The following AGAP1 variants were observed in gnomAD, a reference collection of about 807,000 sequenced individuals.
AGAP1 encodes ArfGAP with GTPase domain, ankyrin repeat and PH domain 1.
AGAP1 carries 29 observed loss-of-function variants against 105.3 expected under a neutral mutation model. The ratio of observed to expected loss-of-function variants is 0.28; its 90% confidence interval spans 0.21 to 0.38. The LOEUF is 0.38. Ranked by LOEUF, AGAP1 falls within the 10% of genes least tolerant of loss-of-function variation. AGAP1 has a pLI of 1.00. For synonymous variants in AGAP1, 509 were observed against 485.9 expected, an observed-to-expected ratio of 1.05 and a Z score of -0.63; for missense variants, 998 against 1,165.1, an observed-to-expected ratio of 0.86 and a Z score of 2.09.
rs115526918 is a variant in AGAP1, at chr2:235,907,048, C to T, written c.1156-1690C>T. ...CAAAACAAAACAAAAAGGTAGACAG[C>T]CCGTTTCCTGGAAGCCACTGGGATC... On this transcript the variant is annotated intron_variant, in intron 10 of 17. Coordinates refer to ENST00000304032, the MANE Select transcript of AGAP1 (RefSeq NM_001037131.3). Among the ~76,000 whole-genome samples the T allele has an allele frequency of 7.7e-3, 1,167 of 152,122 alleles. 13 individuals carry two copies. The highest frequency in any genetic ancestry group is 0.027 in the African/African-American group (1,110 of 41,514).
Position 235,614,660 on chromosome 2 carries a change from G to T in AGAP1, c.164-94519G>T, listed in dbSNP as rs1156677147. On this transcript the variant is annotated intron_variant, in intron 1 of 17. Transcript: ENST00000304032. This position sits in a 1 kb window ranked among gnomAD's most constrained non-coding sequence, Gnocchi z 4.7. ...TACCCCCGTTGCAGATTGGCTTGTG[G>T]TTTGGGGTGTGCCAGGCTCAGGGGC... Among the ~76,000 whole-genome samples, 1 of 152,212 alleles carries T rather than the reference G, an allele frequency of 6.6e-6. No individual in the cohort carries two copies. Among genetic ancestry groups the T allele is most frequent in the Non-Finnish European group, 1.5e-5 (1 of 68,042 alleles).
At chr2:235,940,851 G>A (rs1253792404) in intron 12 of AGAP1, among the ~76,000 whole-genome samples, 4 of 152,106 alleles carry the variant, frequency 2.6e-5, no homozygotes, top group Non-Finnish European at 4.4e-5. Context: ...ACTACCTGGA[G>A]CTGTGTCCAT....
chr2:235,513,183 CA>C, intron 1 of AGAP1, among the ~76,000 whole-genome samples: 1 of 152,234 alleles, frequency 6.6e-6, no homozygotes, highest in Admixed American at 6.5e-5. Flanking sequence ...TAGCCTGCGT[CA>C]GGATCACCTC....
At position 235,744,665 on chromosome 2, in the gene AGAP1, G is replaced by T. The variant is rs1952792885; in HGVS notation, c.397-33G>T. The stretch of plus-strand genomic sequence containing the variant: ...GTTCTTAATCAAGCCTGCTCACTCA[G>T]CTCCTGCTCTCCTCCCCTTCTTCTC... On this transcript the variant is annotated intron_variant, in intron 4 of 17. Coordinates refer to ENST00000304032, the MANE Select transcript of AGAP1 (RefSeq NM_001037131.3). This position sits in a 1 kb window ranked among gnomAD's most constrained non-coding sequence, Gnocchi z 5.2. 3.7e-6 allele frequency: 6 copies of T among 1,613,496 alleles called. No individual in the cohort carries two copies. Among genetic ancestry groups the T allele is most frequent in the Non-Finnish European group, 5.1e-6 (6 of 1,179,666 alleles).
At position 236,082,700 on chromosome 2, in the gene AGAP1, C is replaced by G. The variant is rs1404248555; in HGVS notation, c.2114+33419C>G. Among the ~76,000 whole-genome samples the G allele has an allele frequency of 6.6e-6, 1 of 152,114 alleles. No homozygotes were observed. The highest frequency in any genetic ancestry group is 1.5e-5 in the Non-Finnish European group (1 of 68,028). On this transcript the variant is annotated intron_variant, in intron 16 of 17. Transcript: ENST00000304032. This position sits in a 1 kb window ranked among gnomAD's most constrained non-coding sequence, Gnocchi z 4.2. The stretch of plus-strand genomic sequence containing the variant: ...ACCAGCCTGGCCAACATGGCGAAAC[C>G]CTGTCTCTACTAAAAATACAAAAAT...
intron 13 of AGAP1, among the ~76,000 whole-genome samples, chr2:235,980,895 G>T (rs565711409): frequency 6.6e-6 from 1 of 152,278 alleles, no homozygotes; most frequent in Admixed American, 6.5e-5. Context: ...CCAAAATGAG[G>T]CATGATGTTG....
intron 9 of AGAP1, among the ~76,000 whole-genome samples, chr2:235,811,143 C>T (rs1958116222): frequency 6.6e-6 from 1 of 152,084 alleles, no homozygotes; most frequent in South Asian, 2.1e-4. Context: ...GCTGTGTGCT[C>T]TCCTTTCTTT....
intron 9 of AGAP1, among the ~76,000 whole-genome samples, chr2:235,813,506 G>C (rs1057508864): frequency 6.6e-6 from 1 of 152,188 alleles, no homozygotes; most frequent in East Asian, 1.9e-4. Context: ...TATCTCCCTC[G>C]CAGGGCATGT....
chr2:235,850,887 G>T (rs2048414324), intron 9 of AGAP1, among the ~76,000 whole-genome samples: 1 of 152,188 alleles, frequency 6.6e-6, no homozygotes, highest in Admixed American at 6.5e-5. Flanking sequence ...GTCCATCTGG[G>T]GGATTGTGGT....
chr2:235,884,452 G>GTTTTTTT (rs35976413), intron 10 of AGAP1, among the ~76,000 whole-genome samples: 3 of 124,674 alleles, frequency 2.4e-5, no homozygotes, highest in Non-Finnish European at 3.3e-5. Context: ...ATTTTTCACT[G>GTTTTTTT]TTTTTTTTTT....
rs1218180474 is a variant in AGAP1 at position 236,038,462 on chromosome 2, G to A, written c.1800+1747G>A. Among the ~76,000 whole-genome samples, 2 of 152,144 alleles carry A rather than the reference G, an allele frequency of 1.3e-5. No homozygotes were observed. Among genetic ancestry groups the A allele is most frequent in the Non-Finnish European group, 1.5e-5 (1 of 68,040 alleles). Reference sequence around the variant, plus strand: ...CAGGCTCCTCCTGACTCGTGTCTCAGCTCATGCACACACCAGCCTTAGAAT... The same window carrying A: ...CAGGCTCCTCCTGACTCGTGTCTCAACTCATGCACACACCAGCCTTAGAAT... On this transcript the variant is annotated intron_variant, in intron 14 of 17. Transcript: ENST00000304032. The surrounding 1 kb of genome is among the most constrained non-coding windows in gnomAD (Gnocchi z 4.5).
In AGAP1 at chr2:235,957,632, C is replaced by G. The variant is rs1274712529; in HGVS notation, c.1484-10830C>G. ...GGTTTTGAACCTCACTTCACACTCA[C>G]CTTTTAACAGAGACCCAGGATGTTG... On this transcript the variant is annotated intron_variant, in intron 12 of 17. Coordinates refer to ENST00000304032, the MANE Select transcript of AGAP1 (RefSeq NM_001037131.3). This position sits in a 1 kb window ranked among gnomAD's most constrained non-coding sequence, Gnocchi z 4.6. 6.6e-6 allele frequency among the ~76,000 whole-genome samples: 1 copy of G among 152,204 alleles called. No individual in the cohort carries two copies. The highest frequency in any genetic ancestry group is 2.4e-5 in the African/African-American group (1 of 41,444).
intron 1 of AGAP1, among the ~76,000 whole-genome samples, chr2:235,646,541 A>T (rs546060478): frequency 6.6e-6 from 1 of 152,174 alleles, no homozygotes; most frequent in Non-Finnish European, 1.5e-5. Context: ...AACGGGGGGC[A>T]TTTTGGTTAG....
rs1403296262 is a variant in AGAP1, at chr2:236,061,932, C to T, written c.2114+12651C>T. Among the ~76,000 whole-genome samples, 1 of 150,712 alleles carries T rather than the reference C, an allele frequency of 6.6e-6. No individual in the cohort carries two copies. The highest frequency in any genetic ancestry group is 1.5e-5 in the Non-Finnish European group (1 of 67,874). On this transcript the variant is annotated intron_variant, in intron 16 of 17. Transcript: ENST00000304032. The surrounding 1 kb of genome is among the most constrained non-coding windows in gnomAD (Gnocchi z 4.1). Reference sequence around the variant, plus strand: ...AGGAAAACAGATGAGCCAGGGCGTTCCACAAAGAGCAGCTGGAGCAAAGGT... The same window carrying T: ...AGGAAAACAGATGAGCCAGGGCGTTTCACAAAGAGCAGCTGGAGCAAAGGT...
intron 1 of AGAP1, among the ~76,000 whole-genome samples, chr2:235,579,666 C>G (rs1944862945): frequency 6.6e-6 from 1 of 151,910 alleles, no homozygotes; most frequent in Admixed American, 6.6e-5. Context: ...GTCCCAGCTA[C>G]TCGGGAGGCT....
At position 235,719,460 on chromosome 2, in the gene AGAP1, C is replaced by T. The variant is rs960164526; in HGVS notation, c.310+1816C>T. ...CTCACACCAAAGCATTTCTCTTGAA[C>T]GTTTATACATCAAAAGGAAGGATTG... On this transcript the variant is annotated intron_variant, in intron 3 of 17. Coordinates refer to ENST00000304032, the MANE Select transcript of AGAP1 (RefSeq NM_001037131.3). The surrounding 1 kb of genome is among the most constrained non-coding windows in gnomAD (Gnocchi z 4.9). Among the ~76,000 whole-genome samples the T allele has an allele frequency of 2.9e-4, 44 of 152,160 alleles. No individual in the cohort carries two copies. The highest frequency in any genetic ancestry group is 1.5e-3 in the Admixed American group (23 of 15,276).
chr2:235,568,626 A>C (rs1176235114), intron 1 of AGAP1, among the ~76,000 whole-genome samples: 1 of 152,152 alleles, frequency 6.6e-6, no homozygotes, highest in Non-Finnish European at 1.5e-5. Flanking sequence ...AAAGGAAGCA[A>C]TTGCAGTTAT....
At chr2:235,670,980 G>A (rs1400295193) in intron 1 of AGAP1, 2 of 1,322,384 alleles carry the variant, frequency 1.5e-6, no homozygotes, top group Admixed American at 3.9e-5. Context: ...CGGCCACGCG[G>A]CTACTTCAGC....
intron 3 of AGAP1, among the ~76,000 whole-genome samples, chr2:235,727,828 C>G (rs906802734): frequency 6.6e-6 from 1 of 152,094 alleles, no homozygotes; most frequent in Non-Finnish European, 1.5e-5. Context: ...ATGGTTTCCT[C>G]TGGAAGGTAG....
Sources: gnomAD v4.1 joint callset for allele counts (sites outside exome capture counted in the v4.1 genomes callset) on GRCh38, gnomAD v4.1.1 for gene constraint, Gnocchi (gnomAD v3.1) non-coding constraint, MANE v1.5 for transcripts, NCBI Gene and HGNC (gene_info 2026-07-23, HGNC 2026-07-21) for gene names.